The following ARHGEF18 variants were observed in gnomAD, a reference collection of about 807,000 sequenced individuals.
ARHGEF18 encodes the protein rho guanine nucleotide exchange factor 18.
A neutral mutation model predicts 155.7 loss-of-function variants in ARHGEF18; 93 were observed. The ratio of observed to expected loss-of-function variants is 0.60; its 90% CI spans 0.50 to 0.71. The LOEUF (loss-of-function observed/expected upper bound fraction) is 0.71. ARHGEF18 is among the 30% of genes least tolerant of loss of function. The pLI is 0.00. For missense variants in ARHGEF18, 1,593 were observed against 1,816.1 expected, an observed-to-expected ratio of 0.88 and a Z score of 2.23; for synonymous variants, 742 against 753.1, an observed-to-expected ratio of 0.99 and a Z score of 0.24.
chr19:7,351,466 G>A (rs1388404456), intron 1 of ARHGEF18, among the ~76,000 whole-genome samples: 2 of 149,814 alleles, frequency 1.3e-5, no homozygotes, highest in African/African-American at 4.9e-5. Context: ...TGGGACTACA[G>A]GCGCCCGCCA....
Position 7,462,010 on chromosome 19 carries a change from C to T in ARHGEF18, c.2453-142C>T. 3.3e-6 allele frequency: 3 copies of T among 896,014 alleles called. No individual in the cohort carries two copies. Among genetic ancestry groups the T allele is most frequent in the Middle Eastern group, 2.4e-4 (1 of 4,248 alleles). 55.5% of individuals were successfully genotyped at this position (896,014 alleles called of 1,614,324 possible). A position where few individuals can be genotyped will look rare whatever the true frequency, so the allele number is the denominator to read the frequency against. On this transcript the variant is annotated intron_variant, in intron 20 of 28. Transcript: ENST00000668164. The surrounding 1 kb of genome is among the most constrained non-coding windows in gnomAD (Gnocchi z 4.4). ...GACAAGGCCATGCCCTCCCCTACCT[C>T]CCAGGAATGCAGGACACAAGGGGGC...
rs374719537 is a variant in ARHGEF18, at chr19:7,454,788, G to A, written c.2104+1073G>A. Among the ~76,000 whole-genome samples the A allele has an allele frequency of 4.7e-4, 72 of 152,214 alleles. No individual in the cohort carries two copies. The East Asian group carries it at 8.7e-3, about 18-fold the overall frequency. ...AAACCCAGGGCATTGGTGGCACATC[G>A]AGACACCCCAGGTTTGGGCCCAGAA... On this transcript the variant is annotated intron_variant, in intron 17 of 28. Transcript: ENST00000668164.
intron 27 of ARHGEF18, 114 bp from the exon 28 acceptor site, chr19:7,469,786 GCCGC>G: frequency 2.3e-6 from 3 of 1,283,306 alleles, no homozygotes. Context: ...CGGGATCCAG[GCCGC>G]CCGTGGGAAG....
downstream of ARHGEF18, among the ~76,000 whole-genome samples, chr19:7,475,533 C>T (rs376658571): frequency 1.9e-4 from 28 of 150,856 alleles, no homozygotes; most frequent in African/African-American, 6.9e-4. Context: ...TAAACACACA[C>T]ACACACACAC....
chr19:7,386,024 C>G (rs1331251085), intron 10 of ARHGEF18, among the ~76,000 whole-genome samples: 4 of 141,268 alleles, frequency 2.8e-5, no homozygotes, highest in African/African-American at 1.1e-4. Flanking sequence ...CTCTCCCTCT[C>G]CCTCTCTCCC....
chr19:7,445,945 T>A (rs12975823), intron 14 of ARHGEF18, among the ~76,000 whole-genome samples: 31,478 of 152,066 alleles, frequency 0.21, 3,470 homozygotes, highest in Admixed American at 0.23. Context: ...CTAACGTCCT[T>A]TGGCTGAAAT....
intron 23 of ARHGEF18, 59 bp from the exon 24 acceptor site, chr19:7,466,859 G>T (rs1003336417): frequency 3.3e-5 from 31 of 950,514 alleles, no homozygotes; most frequent in Middle Eastern, 2.2e-4. Context: ...AAGAAGGCTT[G>T]AGTCTAGTCG....
At chr19:7,454,022 G>C (rs913739715) in intron 17 of ARHGEF18, among the ~76,000 whole-genome samples, 11 of 151,640 alleles carry the variant, frequency 7.3e-5, no homozygotes, top group Admixed American at 6.6e-4. Context: ...GGGAGTTGTG[G>C]GTGCCCTCTT....
intron 15 of ARHGEF18, among the ~76,000 whole-genome samples, chr19:7,450,855 C>T (rs78502885): frequency 2.3e-4 from 1 of 4,342 alleles, no homozygotes; most frequent in Admixed American, 3.2e-3. Flanking sequence ...GTTAATGCGG[C>T]GTCTTGCTGT....
intron 23 of ARHGEF18, among the ~76,000 whole-genome samples, chr19:7,465,198 C>T (rs574055711): frequency 6.6e-6 from 1 of 152,318 alleles, no homozygotes; most frequent in South Asian, 2.1e-4. Context: ...CCCACTCTAC[C>T]TCCCAGGAGG....
intron 10 of ARHGEF18, among the ~76,000 whole-genome samples, chr19:7,439,078 C>T (rs956966860): frequency 6.6e-6 from 1 of 151,540 alleles, no homozygotes; most frequent in African/African-American, 2.4e-5. Context: ...TAAGTAGAGA[C>T]GGGGGTTTCC....
chr19:7,473,028 A>G (rs770154199), downstream of ARHGEF18: 1 of 456,230 alleles, frequency 2.2e-6, no homozygotes, highest in South Asian at 1.5e-5. Context: ...GGTCCTGCCC[A>G]CCGGGTACAC....
chr19:7,439,287 C>CT (rs200582018), intron 10 of ARHGEF18, among the ~76,000 whole-genome samples: 1 of 150,982 alleles, frequency 6.6e-6, no homozygotes, highest in Non-Finnish European at 1.5e-5. Flanking sequence ...GAGACCCCCC[C>CT]CCAACCTCTA....
intron 10 of ARHGEF18, among the ~76,000 whole-genome samples, chr19:7,416,894 T>G (rs1407209397): frequency 6.6e-6 from 1 of 150,852 alleles, no homozygotes; most frequent in Non-Finnish European, 1.5e-5. Flanking sequence ...TGAGCCACCA[T>G]GCCCGGCTGT....
At chr19:7,379,198 G>C in intron 7 of ARHGEF18, 32 bp downstream of exon 7, 1 of 1,231,380 alleles carries the variant, frequency 8.1e-7, no homozygotes, top group Non-Finnish European at 1.0e-6. Context: ...CTTGAGGGGA[G>C]CAAAGTGGGA....
intron 10 of ARHGEF18, among the ~76,000 whole-genome samples, chr19:7,399,581 C>G (rs1008090979): frequency 6.6e-6 from 1 of 151,486 alleles, no homozygotes; most frequent in Non-Finnish European, 1.5e-5. Context: ...TCCGGGTTCA[C>G]GCCATTCTCC....
intron 1 of ARHGEF18, among the ~76,000 whole-genome samples, chr19:7,358,498 A>C (rs1350493855): frequency 1.3e-5 from 2 of 151,168 alleles, no homozygotes; most frequent in African/African-American, 4.9e-5. Flanking sequence ...CCACTCATTC[A>C]TCCATCCATC....
Position 7,416,364 on chromosome 19 carries a change from C to T in ARHGEF18, c.968-23980C>T, listed in dbSNP as rs529319756. Among the ~76,000 whole-genome samples, 20 of 152,172 alleles carry T rather than the reference C, an allele frequency of 1.3e-4. No homozygotes were observed. In the East Asian group the frequency reaches 1.7e-3, roughly 13 times the overall value. ...AGGAGTTCGAGGCTGCAGTGAGCTACGATCACGCCACTGCAGTCCAGCCTG... is the reference window on the plus strand; with the variant it reads ...AGGAGTTCGAGGCTGCAGTGAGCTATGATCACGCCACTGCAGTCCAGCCTG... On this transcript the variant is annotated intron_variant, in intron 10 of 28. Transcript: ENST00000668164.
chr19:7,358,313 C>A (rs1969408680), intron 1 of ARHGEF18, among the ~76,000 whole-genome samples: 1 of 151,946 alleles, frequency 6.6e-6, no homozygotes, highest in Admixed American at 6.6e-5. Context: ...ATCCATCCAA[C>A]CATCCATCCA....
Sources: allele counts gnomAD v4.1 joint callset (sites outside exome capture counted in the v4.1 genomes callset), GRCh38; gene constraint gnomAD v4.1.1; non-coding constraint Gnocchi (gnomAD v3.1); transcripts MANE v1.5; gene names NCBI Gene and HGNC (gene_info 2026-07-23, HGNC 2026-07-21).